The following TAMM41 variants were observed in gnomAD, a reference collection of about 807,000 sequenced individuals.
The protein encoded by TAMM41 is TAM41 mitochondrial translocator assembly and maintenance homolog.
In TAMM41, 36 loss-of-function variants were observed where a neutral mutation model predicts 44.1. The ratio of observed to expected loss-of-function variants is 0.82; its 90% CI spans 0.63 to 1.08. TAMM41 has a LOEUF of 1.08. TAMM41 is among the 50% of genes least tolerant of loss of function. The probability of loss-of-function intolerance (pLI) is 0.00; values close to 1 mark genes in which losing one functional copy is unlikely to be tolerated. For synonymous variants in TAMM41, 164 were observed against 153.1 expected, an observed-to-expected ratio of 1.07 and a Z score of -0.53; for missense variants, 417 against 404.3, an observed-to-expected ratio of 1.03 and a Z score of -0.27.
At chr3:11,748,104 G>C in the TAMM41 span, among the ~76,000 whole-genome samples, 20 of 151,000 alleles carry the variant, frequency 1.3e-4, no homozygotes, top group African/African-American at 4.6e-4. Flanking sequence ...CAAACTCCTG[G>C]ACTCAAGCAA....
intron 1 of TAMM41, among the ~76,000 whole-genome samples, chr3:11,844,715 T>C (rs2079596296): frequency 6.6e-6 from 1 of 152,214 alleles, no homozygotes; most frequent in Non-Finnish European, 1.5e-5. Context: ...TACAAAATAC[T>C]ATATAAAAGG....
At chr3:11,726,099 C>T in the TAMM41 span, among the ~76,000 whole-genome samples, 1 of 152,180 alleles carries the variant, frequency 6.6e-6, no homozygotes, top group Admixed American at 6.5e-5. Flanking sequence ...CTGAATTGCT[C>T]GTAGTACATA....
the TAMM41 span, among the ~76,000 whole-genome samples, chr3:11,747,564 T>C: frequency 1.1e-4 from 17 of 150,804 alleles, no homozygotes; most frequent in African/African-American, 3.7e-4. Context: ...AGCCCAGGAG[T>C]TCAAGACCCC....
chr3:11,803,873 G>C (rs751656020), intron 7 of TAMM41, among the ~76,000 whole-genome samples: 1 of 152,196 alleles, frequency 6.6e-6, no homozygotes, highest in Non-Finnish European at 1.5e-5. Flanking sequence ...TTAAGTGGGA[G>C]CTAAACAATG....
the TAMM41 span, among the ~76,000 whole-genome samples, chr3:11,723,527 T>C: frequency 2.0e-5 from 3 of 150,644 alleles, no homozygotes; most frequent in Admixed American, 2.0e-4. Context: ...GCTACAGTGA[T>C]CTGTGTTGAT....
the TAMM41 span, among the ~76,000 whole-genome samples, chr3:11,785,311 G>T: frequency 6.6e-6 from 1 of 152,082 alleles, no homozygotes; most frequent in South Asian, 2.1e-4. Context: ...TTGTCAAGTG[G>T]CATCTGGTTT....
chr3:11,774,956 C>T, the TAMM41 span, among the ~76,000 whole-genome samples: 1 of 151,554 alleles, frequency 6.6e-6, no homozygotes, highest in Non-Finnish European at 1.5e-5. Context: ...GCAATCTCCG[C>T]CCCCCAGGTT....
chr3:11,813,898 A>G (rs1202551522), intron 5 of TAMM41, among the ~76,000 whole-genome samples: 3 of 147,196 alleles, frequency 2.0e-5, no homozygotes, highest in East Asian at 2.0e-4. Context: ...ATGTGTATAT[A>G]TGTATATATG....
chr3:11,777,791 C>G, the TAMM41 span, among the ~76,000 whole-genome samples: 1 of 152,124 alleles, frequency 6.6e-6, no homozygotes, highest in South Asian at 2.1e-4. Flanking sequence ...GAGATTCCAT[C>G]TCAAAAAAGA....
At chr3:11,845,693 C>T (rs937628992) in intron 1 of TAMM41, among the ~76,000 whole-genome samples, 4 of 152,124 alleles carry the variant, frequency 2.6e-5, no homozygotes, top group Non-Finnish European at 5.9e-5. Flanking sequence ...GCATAGATGG[C>T]CTCACCAGGA....
At chr3:11,767,489 AG>A in the TAMM41 span, among the ~76,000 whole-genome samples, 1 of 152,102 alleles carries the variant, frequency 6.6e-6, no homozygotes, top group Non-Finnish European at 1.5e-5. Flanking sequence ...ATATATACCT[AG>A]AGGCAGAATT....
intron 4 of TAMM41, among the ~76,000 whole-genome samples, chr3:11,820,390 A>T (rs2078466809): frequency 6.6e-6 from 1 of 152,198 alleles, no homozygotes; most frequent in Non-Finnish European, 1.5e-5. Flanking sequence ...TTAAAATATC[A>T]AGGATTATGT....
At chr3:11,779,009 T>C in the TAMM41 span, among the ~76,000 whole-genome samples, 7 of 152,084 alleles carry the variant, frequency 4.6e-5, 2 homozygotes, top group South Asian at 1.5e-3. Flanking sequence ...ACGTTGGAAA[T>C]GGGGCCTAAT....
At chr3:11,811,080 A>C (rs1452631802) in intron 5 of TAMM41, 5 of 152,184 alleles carry the variant, frequency 3.3e-5, no homozygotes, top group Admixed American at 2.0e-4. Context: ...ATCAAAAAAA[A>C]CAAAAAAGTA....
chr3:11,806,188 C>CAGACTAA (rs1453857921), intron 7 of TAMM41, among the ~76,000 whole-genome samples: 1 of 152,190 alleles, frequency 6.6e-6, no homozygotes, highest in Non-Finnish European at 1.5e-5. Flanking sequence ...AGCATGAGAA[C>CAGACTAA]AGACTAACGC....
At chr3:11,821,800 T>C (rs1194628702) in intron 4 of TAMM41, among the ~76,000 whole-genome samples, 4 of 152,126 alleles carry the variant, frequency 2.6e-5, no homozygotes, top group Non-Finnish European at 4.4e-5. Flanking sequence ...GGCTACAAAG[T>C]ACCAGGAGCT....
At chr3:11,808,187 G>T in intron 6 of TAMM41, 1 of 1,016,594 alleles carries the variant, frequency 9.8e-7, no homozygotes, top group South Asian at 4.1e-5. Context: ...CCCTCAAAGG[G>T]CATTTTATGA....
chr3:11,762,994 C>T, the TAMM41 span, among the ~76,000 whole-genome samples: 1 of 152,306 alleles, frequency 6.6e-6, no homozygotes, highest in African/African-American at 2.4e-5. Context: ...GCCAAGATGG[C>T]ACCACTGCAC....
At chr3:11,726,176 C>T in the TAMM41 span, among the ~76,000 whole-genome samples, 2 of 152,220 alleles carry the variant, frequency 1.3e-5, no homozygotes, top group Admixed American at 1.3e-4. Context: ...TAGTCTATAT[C>T]CCTTTGCTTA....
Sources: allele counts gnomAD v4.1 joint callset (sites outside exome capture counted in the v4.1 genomes callset), GRCh38; gene constraint gnomAD v4.1.1; transcripts MANE v1.5; gene names NCBI Gene and HGNC (gene_info 2026-07-23, HGNC 2026-07-21).